Variants in MAP4K4 observed in about 807,000 individuals in gnomAD.
The protein encoded by MAP4K4 is mitogen-activated protein kinase kinase kinase kinase 4, also known as HPK/GCK-like kinase HGK.
Under a neutral mutation model 189.6 loss-of-function variants are expected in MAP4K4, and 38 were observed. The ratio of observed to expected loss-of-function variants is 0.20; its 90% CI spans 0.15 to 0.26. MAP4K4 has a LOEUF of 0.26. Among genes scored for constraint, MAP4K4 ranks in the 10% least tolerant of loss-of-function variants. The probability of loss-of-function intolerance (pLI) is 1.00; values close to 1 mark genes in which losing one functional copy is unlikely to be tolerated. For missense variants in MAP4K4, 1,054 were observed against 1,726.9 expected (o/e 0.61, Z 6.91); for synonymous variants, 610 against 624.3 (o/e 0.98, Z 0.34).
intron 2 of MAP4K4, among the ~76,000 whole-genome samples, chr2:101,777,547 C>T (rs1420201660): frequency 6.6e-6 from 1 of 152,218 alleles, no homozygotes; most frequent in African/African-American, 2.4e-5. Context: ...CTGCTCTCTA[C>T]CCAAATGACA....
rs565665865 is a variant in MAP4K4, at chr2:101,736,816, G to T, written c.123+38278G>T. Among the ~76,000 whole-genome samples, 6 of 152,228 alleles carry T rather than the reference G, an allele frequency of 3.9e-5. No homozygotes were observed. The East Asian group carries it at 1.2e-3, about 29-fold the overall frequency. On this transcript the variant is annotated intron_variant, in intron 2 of 32. Transcript: ENST00000324219. ...TGCTCCTGACACTTGGTACCTGGTG[G>T]ATACTTAATAACGGTTTGTTGACTG...
chr2:101,887,153 G>A, exon 30 of MAP4K4: 2 of 1,609,822 alleles, frequency 1.2e-6, no homozygotes, highest in Non-Finnish European at 1.7e-6. Flanking sequence ...GCCAGAGGTT[G>A]AAAGTGATCT....
intron 2 of MAP4K4, among the ~76,000 whole-genome samples, chr2:101,732,761 G>T (rs2059015072): frequency 6.6e-6 from 1 of 152,104 alleles, no homozygotes; most frequent in African/African-American, 2.4e-5. Flanking sequence ...GCTAATTTTT[G>T]TATTTTTAGT....
At chr2:101,835,835 G>C (rs2096734175) in intron 8 of MAP4K4, 65 bp from the exon 9 acceptor site, 1 of 1,088,000 alleles carries the variant, frequency 9.2e-7, no homozygotes, top group Non-Finnish European at 1.4e-6. Flanking sequence ...ATTTATGACT[G>C]AACCCTAGAA....
exon 33 of MAP4K4, chr2:101,891,883 T>G (rs1451640697): frequency 1.3e-5 from 2 of 148,530 alleles, no homozygotes; most frequent in African/African-American, 5.0e-5. Context: ...TGGGGTGGGT[T>G]AAGGGGTCCC....
intron 3 of MAP4K4, among the ~76,000 whole-genome samples, chr2:101,807,026 C>A (rs1474260285): frequency 1.3e-5 from 2 of 150,574 alleles, no homozygotes; most frequent in Non-Finnish European, 3.0e-5. Flanking sequence ...TTTTTCAGTT[C>A]TTTCTTTTAC....
intron 3 of MAP4K4, among the ~76,000 whole-genome samples, chr2:101,808,452 C>G (rs1455207500): frequency 1.3e-5 from 2 of 152,010 alleles, no homozygotes; most frequent in African/African-American, 4.8e-5. Context: ...TTTAAAAGTT[C>G]AAGGCTTTTT....
rs144031310 is a variant in MAP4K4 at position 101,862,664 on chromosome 2, T to C, written c.1867-1157T>C. Among the ~76,000 whole-genome samples the C allele has an allele frequency of 1.4e-3, 209 of 152,364 alleles. 4 individuals carry two copies. In the East Asian group the frequency reaches 0.028, roughly 20 times the overall value. ...GTCTCCCATTTCCTCCTCCTGTTCATTCTTTGGGGGAGACTTTTCTCGTGT... is the reference window on the plus strand; with the variant it reads ...GTCTCCCATTTCCTCCTCCTGTTCACTCTTTGGGGGAGACTTTTCTCGTGT... On this transcript the variant is annotated intron_variant, in intron 16 of 32. Transcript: ENST00000324219.
intron 3 of MAP4K4, among the ~76,000 whole-genome samples, chr2:101,811,471 A>C (rs944370432): frequency 2.1e-5 from 3 of 143,314 alleles, no homozygotes; most frequent in African/African-American, 7.7e-5. Context: ...GGTTTCTTTT[A>C]TGCTGGCTCT....
intron 2 of MAP4K4, among the ~76,000 whole-genome samples, chr2:101,740,467 T>G (rs1312764981): frequency 6.6e-6 from 1 of 152,164 alleles, no homozygotes; most frequent in African/African-American, 2.4e-5. Context: ...TTATATCATC[T>G]TGATATTTTC....
intron 2 of MAP4K4, among the ~76,000 whole-genome samples, chr2:101,737,451 ATATATATATATTTTTTTTTT>A (rs1355856162): frequency 2.8e-5 from 1 of 36,126 alleles, no homozygotes; most frequent in African/African-American, 1.7e-4. Flanking sequence ...ATATATATAT[ATATATATATATTTTTTTTTT>A]TTTTTTTTTT....
intron 2 of MAP4K4, among the ~76,000 whole-genome samples, chr2:101,728,550 C>T (rs2056779176): frequency 1.3e-5 from 2 of 152,080 alleles, no homozygotes. Flanking sequence ...CTCGCTCTGT[C>T]ACCCAGGCTG....
intron 2 of MAP4K4, among the ~76,000 whole-genome samples, chr2:101,729,313 A>G (rs534108640): frequency 2.0e-5 from 3 of 152,198 alleles, no homozygotes; most frequent in South Asian, 2.1e-4. Context: ...CCGTAGTACA[A>G]TCTATTTGTG....
At chr2:101,764,944 C>G (rs2077975937) in intron 2 of MAP4K4, among the ~76,000 whole-genome samples, 1 of 152,134 alleles carries the variant, frequency 6.6e-6, no homozygotes, top group South Asian at 2.1e-4. Context: ...GTTGGACAAA[C>G]TAACATTATG....
chr2:101,857,102 C>G (rs1291370054), intron 13 of MAP4K4, among the ~76,000 whole-genome samples: 1 of 152,146 alleles, frequency 6.6e-6, no homozygotes, highest in African/African-American at 2.4e-5. Flanking sequence ...GGAAAACATT[C>G]AAGCTTTTAA....
intron 3 of MAP4K4, chr2:101,797,314 G>C: frequency 7.7e-7 from 1 of 1,290,798 alleles, no homozygotes; most frequent in Non-Finnish European, 1.0e-6. Context: ...TTAGGGTGTT[G>C]GTGGCACTTT....
At position 101,882,418 on chromosome 2, in the gene MAP4K4, C is replaced by G. The variant is rs1183411890; in HGVS notation, c.3386-133C>G. On this transcript the variant is annotated intron_variant, in intron 27 of 32. Coordinates refer to ENST00000324219, the Ensembl canonical transcript of MAP4K4. Reference sequence around the variant, plus strand: ...TCAGCTGTTTCTGTGGTACACATCTCCAACTTGTGACTTGCCTTTCACTAG... The same window carrying G: ...TCAGCTGTTTCTGTGGTACACATCTGCAACTTGTGACTTGCCTTTCACTAG... 5.2e-6 allele frequency: 3 copies of G among 582,504 alleles called. No homozygotes were observed. The African/African-American group carries it at 5.7e-5, about 11-fold the overall frequency. 36.1% of individuals were successfully genotyped at this position (582,504 alleles called of 1,614,324 possible).
At chr2:101,846,955 T>G (rs1425838260) in intron 12 of MAP4K4, among the ~76,000 whole-genome samples, 1 of 152,218 alleles carries the variant, frequency 6.6e-6, no homozygotes, top group Non-Finnish European at 1.5e-5. Flanking sequence ...ATACCAGAAC[T>G]GCAGATGCCC....
Position 101,870,288 on chromosome 2 carries a change from T to G in MAP4K4, c.2640-7T>G. The G allele has an allele frequency of 6.2e-7, 1 of 1,612,048 alleles. No individual in the cohort carries two copies. The highest frequency in any genetic ancestry group is 8.5e-7 in the Non-Finnish European group (1 of 1,178,948). The stretch of plus-strand genomic sequence containing the variant: ...AGGCCTTTCACGTCTGGATTTTTTC[T>G]CCATAGGTCATCTCTGAATTTGAGC... On this transcript the variant is annotated splice_region_variant and splice_polypyrimidine_tract_variant and intron_variant, in intron 22 of 32. Transcript: ENST00000324219.
Sources: gnomAD v4.1 joint callset for allele counts (sites outside exome capture counted in the v4.1 genomes callset) on GRCh38, gnomAD v4.1.1 for gene constraint, MANE v1.5 for transcripts, NCBI Gene and HGNC (gene_info 2026-07-23, HGNC 2026-07-21) for gene names.